COL5A2: variants seen among roughly 807,000 people sequenced by gnomAD.
COL5A2 encodes the protein collagen type V alpha 2 chain.
Under a neutral mutation model 208.2 loss-of-function variants are expected in COL5A2, and 23 were observed. The ratio of observed to expected loss-of-function variants is 0.11; its 90% CI spans 0.08 to 0.16. COL5A2 has a LOEUF of 0.16. COL5A2 is among the 10% of genes least tolerant of loss of function. COL5A2 has a pLI of 1.00. For synonymous variants in COL5A2, 625 were observed against 628.5 expected (o/e 0.99, Z 0.08); for missense variants, 1,590 against 1,956.4 (o/e 0.81, Z 3.53).
At chr2:189,282,721 G>C in the COL5A2 span, among the ~76,000 whole-genome samples, 1 of 152,048 alleles carries the variant, frequency 6.6e-6, no homozygotes, top group Non-Finnish European at 1.5e-5. Context: ...TATACTGTCT[G>C]TCTACATTGA....
At chr2:189,279,690 T>C in the COL5A2 span, among the ~76,000 whole-genome samples, 1 of 152,042 alleles carries the variant, frequency 6.6e-6, no homozygotes, top group African/African-American at 2.4e-5. Flanking sequence ...TCTACAAAAA[T>C]TGCTGAATTG....
At chr2:189,185,172 C>T (rs1367009048) in intron 1 of COL5A2, among the ~76,000 whole-genome samples, 8 of 151,966 alleles carry the variant, frequency 5.3e-5, no homozygotes, top group Non-Finnish European at 4.4e-5. Flanking sequence ...TACAGGCACG[C>T]ACCACTACGC....
At chr2:189,391,635 T>A in the COL5A2 span, among the ~76,000 whole-genome samples, 5 of 152,106 alleles carry the variant, frequency 3.3e-5, no homozygotes, top group Non-Finnish European at 5.9e-5. Context: ...TCAGAGGGCA[T>A]CCACCAGATT....
intron 42 of COL5A2, 76 bp downstream of exon 42, chr2:189,051,244 T>G (rs374966108): frequency 1.8e-5 from 29 of 1,586,068 alleles, no homozygotes; most frequent in East Asian, 9.0e-5. Flanking sequence ...AGCATTTTTG[T>G]GACACTGATC....
the COL5A2 span, among the ~76,000 whole-genome samples, chr2:189,331,202 T>C: frequency 6.6e-6 from 1 of 152,036 alleles, no homozygotes. Flanking sequence ...GCAGATTGAA[T>C]GTGGGAAGGA....
At chr2:189,141,727 T>A (rs1687938612) in intron 1 of COL5A2, among the ~76,000 whole-genome samples, 1 of 152,198 alleles carries the variant, frequency 6.6e-6, no homozygotes, top group Non-Finnish European at 1.5e-5. Flanking sequence ...TCTTCTAGAT[T>A]CTTAAGGTGT....
the COL5A2 span, among the ~76,000 whole-genome samples, chr2:189,355,553 T>C: frequency 6.6e-6 from 1 of 152,202 alleles, no homozygotes; most frequent in Non-Finnish European, 1.5e-5. Flanking sequence ...TTGTCTGTTT[T>C]GATCTTCGTT....
intron 16 of COL5A2, among the ~76,000 whole-genome samples, chr2:189,077,078 G>GA (rs199628784): frequency 7.6e-4 from 115 of 151,678 alleles, no homozygotes; most frequent in African/African-American, 2.6e-3. Flanking sequence ...AAATTTAAAG[G>GA]AAAAAAAAGA....
At chr2:189,334,161 A>G in the COL5A2 span, among the ~76,000 whole-genome samples, 1 of 152,036 alleles carries the variant, frequency 6.6e-6, no homozygotes, top group Non-Finnish European at 1.5e-5. Flanking sequence ...CTCACATCCT[A>G]TATAATAGTA....
In COL5A2 at chr2:189,062,795, A is replaced by T. The variant is rs1576501946; in HGVS notation, c.1977+70T>A. ...TGAAACTTACCCATAAGTCTTGAAC[A>T]AACATCATCGAAAAAATGCAATGTG... On this transcript the variant is annotated intron_variant, in intron 29 of 53. Transcript: ENST00000374866. The T allele has an allele frequency of 5.1e-6, 8 of 1,582,092 alleles. No homozygotes were observed. In the East Asian group the frequency reaches 1.6e-4, roughly 31 times the overall value.
the COL5A2 span, among the ~76,000 whole-genome samples, chr2:189,406,176 TATC>T: frequency 4.6e-5 from 7 of 152,110 alleles, no homozygotes; most frequent in Non-Finnish European, 7.4e-5. Flanking sequence ...AACAGAAAAA[TATC>T]ATTATCAAAC....
the COL5A2 span, among the ~76,000 whole-genome samples, chr2:189,349,755 A>C: frequency 6.6e-6 from 1 of 152,322 alleles, no homozygotes; most frequent in South Asian, 2.1e-4. Context: ...AACTCTTCTC[A>C]TCAGATAATA....
At chr2:189,316,199 A>G in the COL5A2 span, among the ~76,000 whole-genome samples, 2 of 152,288 alleles carry the variant, frequency 1.3e-5, no homozygotes, top group African/African-American at 4.8e-5. Flanking sequence ...GCAAAGATAT[A>G]GAATCAACCT....
chr2:189,091,379 G>T (rs1482320680), intron 7 of COL5A2, among the ~76,000 whole-genome samples: 2 of 152,092 alleles, frequency 1.3e-5, no homozygotes, highest in Non-Finnish European at 2.9e-5. Context: ...GACAACAAAG[G>T]ATTTTGATAT....
At chr2:189,178,213 G>C (rs1218838029) in intron 1 of COL5A2, among the ~76,000 whole-genome samples, 1 of 152,058 alleles carries the variant, frequency 6.6e-6, no homozygotes, top group Non-Finnish European at 1.5e-5. Context: ...GTCTTAGAAA[G>C]TGCCCCCTCT....
chr2:189,341,004 C>T, the COL5A2 span, among the ~76,000 whole-genome samples: 1 of 152,106 alleles, frequency 6.6e-6, no homozygotes, highest in Non-Finnish European at 1.5e-5. Flanking sequence ...AATATACGAG[C>T]ACTCTACCTA....
At chr2:189,085,519 T>C (rs1365782416) in intron 10 of COL5A2, among the ~76,000 whole-genome samples, 200 bp downstream of exon 10, 2 of 152,202 alleles carry the variant, frequency 1.3e-5, no homozygotes, top group Admixed American at 1.3e-4. Context: ...AATAAATAAA[T>C]TTAAATAGTC....
chr2:189,415,432 T>A, the COL5A2 span, among the ~76,000 whole-genome samples: 1 of 152,112 alleles, frequency 6.6e-6, no homozygotes, highest in Non-Finnish European at 1.5e-5. Flanking sequence ...TCCATGTGCA[T>A]TTCGGGAAAA....
At chr2:189,076,502 A>G (rs939884981) in intron 16 of COL5A2, among the ~76,000 whole-genome samples, 1 of 152,196 alleles carries the variant, frequency 6.6e-6, no homozygotes, top group African/African-American at 2.4e-5. Flanking sequence ...ATGGAATTGC[A>G]TGGGTCTTGT....
Sources: gnomAD v4.1 joint callset for allele counts (sites outside exome capture counted in the v4.1 genomes callset) on GRCh38, gnomAD v4.1.1 for gene constraint, MANE v1.5 for transcripts, NCBI Gene and HGNC (gene_info 2026-07-23, HGNC 2026-07-21) for gene names.